The following PARP12 variants were observed in gnomAD, a reference collection of about 807,000 sequenced individuals.
The protein encoded by PARP12 is protein mono-ADP-ribosyltransferase PARP12.
Under a neutral mutation model 72.4 loss-of-function variants are expected in PARP12, and 59 were observed. That is an observed-to-expected ratio of 0.81 (90% CI 0.66 to 1.01). The LOEUF (loss-of-function observed/expected upper bound fraction) is 1.01. Among genes scored for constraint, PARP12 ranks in the 50% least tolerant of loss-of-function variants. PARP12 has a pLI of 0.00. For synonymous variants in PARP12, 403 were observed against 371.4 expected (o/e 1.09, Z -0.98); for missense variants, 851 against 914.0 (o/e 0.93, Z 0.89).
intron 5 of PARP12, among the ~76,000 whole-genome samples, chr7:140,044,265 T>C (rs1308569935): frequency 6.6e-6 from 1 of 152,210 alleles, no homozygotes; most frequent in Non-Finnish European, 1.5e-5. Flanking sequence ...CTGGTACCCA[T>C]GAATGCGATC....
At chr7:140,041,321 G>C (rs1456132513) in intron 6 of PARP12, 1 of 240,702 alleles carries the variant, frequency 4.2e-6, no homozygotes, top group Non-Finnish European at 8.2e-6. Flanking sequence ...ACCAGCTGTG[G>C]GGTTAAGTTA....
At chr7:140,037,612 C>T (rs1816260625) in intron 7 of PARP12, 103 bp downstream of exon 7, 3 of 1,517,024 alleles carry the variant, frequency 2.0e-6, no homozygotes, top group African/African-American at 1.4e-5. Context: ...TTCCTGTACC[C>T]ACCCAGGCCC....
At chr7:140,027,071 GCCTCGGTGC>G (rs760642937) in intron 10 of PARP12, among the ~76,000 whole-genome samples, 196 bp downstream of exon 10, 4 of 152,194 alleles carry the variant, frequency 2.6e-5, no homozygotes, top group Admixed American at 6.5e-5. Flanking sequence ...GCTCCAGGAA[GCCTCGGTGC>G]CCTCATCTCT....
intron 8 of PARP12, among the ~76,000 whole-genome samples, chr7:140,032,770 G>A (rs1815989975): frequency 6.6e-6 from 1 of 152,108 alleles, no homozygotes; most frequent in South Asian, 2.1e-4. Context: ...TTATATGTAT[G>A]TATGCAAATG....
intron 1 of PARP12, among the ~76,000 whole-genome samples, chr7:140,059,874 A>C (rs1487435694): frequency 6.6e-6 from 1 of 152,198 alleles, no homozygotes; most frequent in Non-Finnish European, 1.5e-5. Context: ...CTGGGGAAGA[A>C]ATCAGGGGAG....
chr7:140,057,756 G>C, intron 2 of PARP12, 143 bp downstream of exon 2: 1 of 1,206,580 alleles, frequency 8.3e-7, no homozygotes, highest in Non-Finnish European at 1.1e-6. Flanking sequence ...TGCTCCTTCT[G>C]CTCCACATTC....
At chr7:140,033,071 G>C in intron 8 of PARP12, 1 of 540,960 alleles carries the variant, frequency 1.8e-6, no homozygotes, top group Non-Finnish European at 2.4e-6. Flanking sequence ...TCCCACCTCA[G>C]TCTCCTGAGT....
rs764064598 is a variant in PARP12, at chr7:140,047,041, G to A, written c.863-34C>T. On this transcript the variant is annotated intron_variant, in intron 4 of 11. Transcript: ENST00000263549. ...AAAACATAAAGGAGTAAGATAGCTGGGCAATACACAGCATGCCCTAGCCTT... is the reference window on the plus strand; with the variant it reads ...AAAACATAAAGGAGTAAGATAGCTGAGCAATACACAGCATGCCCTAGCCTT... 8.8e-6 allele frequency: 14 copies of A among 1,590,340 alleles called. No individual in the cohort carries two copies. The African/African-American group carries it at 1.5e-4, about 17-fold the overall frequency.
At chr7:140,050,149 A>C (rs541029569) in intron 4 of PARP12, among the ~76,000 whole-genome samples, 1 of 152,338 alleles carries the variant, frequency 6.6e-6, no homozygotes, top group Admixed American at 6.5e-5. Flanking sequence ...ATATAAAAAG[A>C]AGAGAGAAAA....
At chr7:140,035,862 GGGAAGAGGAAGAGGAGGA>G (rs1259209438) in intron 7 of PARP12, among the ~76,000 whole-genome samples, 1 of 145,030 alleles carries the variant, frequency 6.9e-6, no homozygotes, top group African/African-American at 2.6e-5. Flanking sequence ...GAGGAGGAGG[GGGAAGAGGAAGAGGAGGA>G]GGAAGAGGAA....
Position 140,034,138 on chromosome 7 carries a change from G to C in PARP12, c.1421+97C>G, listed in dbSNP as rs1444540828. ...GAGCACTTCGTTGTACAAGCCAACG[G>C]TGCCCGGGTGCTGTCTGAGGCAGGT... On this transcript the variant is annotated intron_variant, in intron 8 of 11. Coordinates refer to ENST00000263549, the MANE Select transcript of PARP12 (RefSeq NM_022750.4). 3 of 1,485,084 alleles carry C rather than the reference G, an allele frequency of 2.0e-6. No homozygotes were observed. The African/African-American group carries it at 4.2e-5, about 21-fold the overall frequency. 92.0% of individuals were successfully genotyped at this position (1,485,084 alleles called of 1,614,324 possible).
At chr7:140,024,989 C>T in intron 11 of PARP12, 104 bp from the exon 12 acceptor site, 2 of 1,009,956 alleles carry the variant, frequency 2.0e-6, no homozygotes, top group Non-Finnish European at 1.5e-6. Flanking sequence ...AGGGCCTCTA[C>T]TCTTCCACCC....
At chr7:140,044,410 T>C (rs1326629495) in intron 5 of PARP12, among the ~76,000 whole-genome samples, 1 of 152,200 alleles carries the variant, frequency 6.6e-6, no homozygotes, top group Non-Finnish European at 1.5e-5. Context: ...GGGAAATGCC[T>C]GTGACAATGG....
At chr7:140,031,002 A>G (rs996604789) in intron 8 of PARP12, among the ~76,000 whole-genome samples, 1 of 152,242 alleles carries the variant, frequency 6.6e-6, no homozygotes, top group African/African-American at 2.4e-5. Context: ...AGGTTTAAAA[A>G]AAGTTGAGAG....
At chr7:140,033,578 AGTTCCAATCCCATC>A in intron 8 of PARP12, 1 of 985,346 alleles carries the variant, frequency 1.0e-6, no homozygotes, top group East Asian at 1.1e-4. Flanking sequence ...CCTTCCTCTC[AGTTCCAATCCCATC>A]CCACCTCCCC....
At chr7:140,048,931 T>G (rs1385371568) in intron 4 of PARP12, among the ~76,000 whole-genome samples, 1 of 152,228 alleles carries the variant, frequency 6.6e-6, no homozygotes, top group Non-Finnish European at 1.5e-5. Flanking sequence ...AGAAAACTGG[T>G]GTGAGGGCGA....
chr7:140,062,885 C>G lies in PARP12; in HGVS notation c.-38G>C. ...TGCTCCCGTCGGACCGCGGGTGGCG[C>G]GACGCGGACGGCGGCGGACGCTGGC... On this transcript the variant is annotated 5_prime_UTR_variant, in exon 1 of 12. Transcript: ENST00000263549. The G allele has an allele frequency of 8.1e-7, 1 of 1,237,110 alleles. No individual in the cohort carries two copies. The highest frequency in any genetic ancestry group is 1.0e-6 in the Non-Finnish European group (1 of 990,530). The allele number at this position is 1,237,110 out of a possible 1,614,324, so 76.6% of individuals were successfully genotyped here. A position where few individuals can be genotyped will look rare whatever the true frequency, so the allele number is the denominator to read the frequency against.
Position 140,047,617 on chromosome 7 carries a change from C to A in PARP12, c.863-610G>T, listed in dbSNP as rs191140545. On this transcript the variant is annotated intron_variant, in intron 4 of 11. Transcript: ENST00000263549. Reference sequence around the variant, plus strand: ...TCCTTCTTTATGTCTCACTTTTTAACAGGACCTTACTTTTTTTTTTGAGAC... The same window carrying A: ...TCCTTCTTTATGTCTCACTTTTTAAAAGGACCTTACTTTTTTTTTTGAGAC... Among the ~76,000 whole-genome samples, 3 of 152,232 alleles carry A rather than the reference C, an allele frequency of 2.0e-5. No individual in the cohort carries two copies. In the East Asian group the frequency reaches 5.8e-4, roughly 29 times the overall value.
chr7:140,041,612 C>A, intron 6 of PARP12, 32 bp downstream of exon 6: 1 of 1,595,252 alleles, frequency 6.3e-7, no homozygotes, highest in Non-Finnish European at 8.6e-7. Flanking sequence ...ATCCTCAGGA[C>A]AAAACATTCA....
Sources: gnomAD v4.1 joint callset for allele counts (sites outside exome capture counted in the v4.1 genomes callset) on GRCh38, gnomAD v4.1.1 for gene constraint, MANE v1.5 for transcripts, NCBI Gene and HGNC (gene_info 2026-07-23, HGNC 2026-07-21) for gene names.